The following CNTN5 variants were observed in gnomAD, a reference collection of about 807,000 sequenced individuals.
CNTN5 encodes contactin 5.
A neutral mutation model predicts 129.1 loss-of-function variants in CNTN5; 77 were observed. The observed-to-expected ratio is 0.60, with a 90% CI of 0.50 to 0.72. CNTN5 has a LOEUF of 0.72. Among genes scored for constraint, CNTN5 ranks in the 30% least tolerant of loss-of-function variants. The pLI is 0.00. For missense variants in CNTN5, 1,478 were observed against 1,328.8 expected, an observed-to-expected ratio of 1.11 and a Z score of -1.75; for synonymous variants, 509 against 465.6, an observed-to-expected ratio of 1.09 and a Z score of -1.20.
In CNTN5 at chr11:99,824,657, C is replaced by T. The variant is rs1946898933; in HGVS notation, c.277+4892C>T. 2.0e-5 allele frequency among the ~76,000 whole-genome samples: 3 copies of T among 151,778 alleles called. No individual in the cohort carries two copies. The South Asian group carries it at 6.2e-4, about 31-fold the overall frequency. On this transcript the variant is annotated intron_variant, in intron 4 of 24. Transcript: ENST00000524871. ...TGCTTTTCATGTCCTAAAAAAAACC[C>T]TTTTTACCTTAAATTTTTATTTCCT...
chr11:100,252,105 C>T (rs569323117), intron 16 of CNTN5, among the ~76,000 whole-genome samples: 3 of 152,104 alleles, frequency 2.0e-5, no homozygotes, highest in Non-Finnish European at 2.9e-5. Flanking sequence ...TGATGATAGC[C>T]GTCCTAACTG....
chr11:99,236,443 A>T (rs979058302), intron 1 of CNTN5, among the ~76,000 whole-genome samples: 3 of 144,382 alleles, frequency 2.1e-5, no homozygotes, highest in African/African-American at 5.2e-5. Flanking sequence ...AAATCTTAGC[A>T]AACATTCTAC....
chr11:99,021,601 G>T (rs969893725), intron 1 of CNTN5, among the ~76,000 whole-genome samples: 4 of 152,196 alleles, frequency 2.6e-5, no homozygotes, highest in African/African-American at 9.6e-5. Context: ...AAGTGAGGAT[G>T]TTTCTACAAA....
intron 2 of CNTN5, among the ~76,000 whole-genome samples, chr11:99,512,414 C>T (rs1003668984): frequency 8.5e-5 from 13 of 152,126 alleles, no homozygotes; most frequent in Admixed American, 8.5e-4. Flanking sequence ...CACAAGAAAT[C>T]GCCTAATGGG....
chr11:99,980,080 G>C (rs543082315), intron 8 of CNTN5, among the ~76,000 whole-genome samples: 2 of 152,272 alleles, frequency 1.3e-5, no homozygotes, highest in Admixed American at 1.3e-4. Context: ...TGCATAACCT[G>C]AAAGGTAATG....
At chr11:99,446,199 C>G (rs537088833) in intron 2 of CNTN5, among the ~76,000 whole-genome samples, 2 of 151,380 alleles carry the variant, frequency 1.3e-5, no homozygotes, top group East Asian at 3.9e-4. Flanking sequence ...TCAGATTGCT[C>G]TTATACAGTT....
intron 2 of CNTN5, among the ~76,000 whole-genome samples, chr11:99,485,295 T>C (rs1487235679): frequency 6.6e-6 from 1 of 151,552 alleles, no homozygotes; most frequent in Non-Finnish European, 1.5e-5. Context: ...GAGAGATAAA[T>C]AGGCAGAGCA....
chr11:99,213,288 T>C lies in CNTN5; in HGVS notation c.-209-112058T>C, dbSNP rs181309063. On this transcript the variant is annotated intron_variant, in intron 1 of 24. Coordinates refer to ENST00000524871, the MANE Select transcript of CNTN5 (RefSeq NM_014361.4). ...ATATAAAATATATATACATATAATA[T>C]ATATAACATATATAATATATACATA... Among the ~76,000 whole-genome samples, 442 of 145,700 alleles carry C rather than the reference T, an allele frequency of 3.0e-3. 3 individuals carry two copies. Among genetic ancestry groups the C allele is most frequent in the African/African-American group, 0.01 (403 of 40,122 alleles).
At chr11:100,016,538 T>G (rs1940832978) in intron 9 of CNTN5, among the ~76,000 whole-genome samples, 1 of 152,082 alleles carries the variant, frequency 6.6e-6, no homozygotes, top group South Asian at 2.1e-4. Flanking sequence ...TCTAGGCATT[T>G]TCTACTTTAT....
At chr11:99,068,634 T>C (rs1001198902) in intron 1 of CNTN5, among the ~76,000 whole-genome samples, 2 of 152,154 alleles carry the variant, frequency 1.3e-5, no homozygotes, top group African/African-American at 2.4e-5. Flanking sequence ...TTCTCAAAGC[T>C]GCGAAGAGCC....
chr11:100,175,255 G>T (rs1947929404), intron 13 of CNTN5, among the ~76,000 whole-genome samples: 1 of 152,078 alleles, frequency 6.6e-6, no homozygotes. Flanking sequence ...CCTCAGGTTT[G>T]TCAGCCCGGT....
intron 4 of CNTN5, among the ~76,000 whole-genome samples, chr11:99,844,106 G>C (rs1947603488): frequency 6.6e-6 from 1 of 152,238 alleles, no homozygotes; most frequent in East Asian, 1.9e-4. Context: ...ATCACACACA[G>C]AATTTCTCTG....
chr11:99,087,167 A>G lies in CNTN5; in HGVS notation c.-210+65897A>G, dbSNP rs148259624. Among the ~76,000 whole-genome samples, 31 of 152,330 alleles carry G rather than the reference A, an allele frequency of 2.0e-4. No individual in the cohort carries two copies. In the East Asian group the frequency reaches 5.6e-3, roughly 27 times the overall value. ...GTTATGCCAAGCACATAGATTTAGA[A>G]TACATTATCTCTAAATCTCACAGCA... On this transcript the variant is annotated intron_variant, in intron 1 of 24. Coordinates refer to ENST00000524871, the MANE Select transcript of CNTN5 (RefSeq NM_014361.4).
At chr11:99,466,692 G>C (rs1340539043) in intron 2 of CNTN5, among the ~76,000 whole-genome samples, 2 of 152,064 alleles carry the variant, frequency 1.3e-5, no homozygotes, top group Non-Finnish European at 2.9e-5. Flanking sequence ...GGGGACTTTA[G>C]GGCTCTGTTC....
chr11:100,178,149 A>G (rs1037533572), intron 13 of CNTN5, among the ~76,000 whole-genome samples: 2 of 152,146 alleles, frequency 1.3e-5, no homozygotes, highest in African/African-American at 4.8e-5. Flanking sequence ...TAAGGAGAAT[A>G]GCAGCTCTTT....
chr11:99,408,357 A>C (rs1942188242), intron 2 of CNTN5, among the ~76,000 whole-genome samples: 1 of 146,608 alleles, frequency 6.8e-6, no homozygotes, highest in Non-Finnish European at 1.5e-5. Flanking sequence ...ATGCCACTAC[A>C]CCAGGCTACC....
intron 1 of CNTN5, among the ~76,000 whole-genome samples, chr11:99,094,545 C>T (rs1039355250): frequency 5.3e-5 from 8 of 151,830 alleles, no homozygotes; most frequent in African/African-American, 1.9e-4. Context: ...GGAAACGTCT[C>T]GTAATATCTT....
At chr11:99,873,363 C>T (rs1249963463) in intron 6 of CNTN5, among the ~76,000 whole-genome samples, 1 of 151,544 alleles carries the variant, frequency 6.6e-6, no homozygotes, top group African/African-American at 2.4e-5. Flanking sequence ...AAGAACTCAA[C>T]AAGAAAAAAA....
intron 2 of CNTN5, among the ~76,000 whole-genome samples, chr11:99,428,814 T>C (rs1943247049): frequency 1.3e-5 from 2 of 152,254 alleles, no homozygotes; most frequent in South Asian, 4.1e-4. Context: ...GTTATTTTCC[T>C]GTTAACAATT....
Sources: allele counts gnomAD v4.1 joint callset (sites outside exome capture counted in the v4.1 genomes callset), GRCh38; gene constraint gnomAD v4.1.1; transcripts MANE v1.5; gene names NCBI Gene and HGNC (gene_info 2026-07-23, HGNC 2026-07-21).